Variants in ZNF77 observed in about 807,000 individuals in gnomAD.
ZNF77 encodes zinc finger protein 77.
Under a neutral mutation model 13.5 loss-of-function variants are expected in ZNF77, and 15 were observed. The observed-to-expected ratio is 1.11, with a 90% CI of 0.74 to 1.71. The LOEUF is 1.71. Ranked by LOEUF, ZNF77 falls within the 40% of genes most tolerant of loss-of-function variation. ZNF77 has a pLI of 0.00. For synonymous variants in ZNF77, 282 were observed against 250.0 expected (o/e 1.13, Z -1.21); for missense variants, 717 against 676.4 (o/e 1.06, Z -0.67).
intron 1 of ZNF77, among the ~76,000 whole-genome samples, chr19:2,942,873 G>A (rs922782641): frequency 4.6e-5 from 7 of 152,008 alleles, no homozygotes; most frequent in African/African-American, 9.7e-5. Context: ...TCTGCCTCCC[G>A]AGTTCAAGCA....
Position 2,934,772 on chromosome 19 carries a change from A to C in ZNF77, c.355T>G (p.Cys119Gly). ...RLCESNEGHQ[C>G]GETLSQTANL... ...GCAGTCTGGCTCAAGGTCTCTCCGC[A>C]TTGATGACCTTCATTACTTTCACAG... The change falls in exon 4 of 4, where the codon TGC (cysteine) becomes GGC (glycine). Residue 119 changes from cysteine to glycine, a missense_variant. By Grantham distance (159) the Cys-to-Gly change is radical. Coordinates refer to ENST00000314531, the MANE Select transcript of ZNF77 (RefSeq NM_021217.3). 6.2e-7 allele frequency: 1 copy of C among 1,613,698 alleles called. No individual in the cohort carries two copies. Among genetic ancestry groups the C allele is most frequent in the East Asian group, 2.2e-5 (1 of 44,864 alleles).
At chr19:2,937,155 C>CT (rs1676830726) in intron 2 of ZNF77, among the ~76,000 whole-genome samples, 1 of 152,164 alleles carries the variant, frequency 6.6e-6, no homozygotes, top group African/African-American at 2.4e-5. Context: ...CACCACGGCA[C>CT]TGCAGCCTGT....
chr19:2,942,027 T>C (rs2088452945), intron 1 of ZNF77, among the ~76,000 whole-genome samples: 1 of 150,860 alleles, frequency 6.6e-6, no homozygotes, highest in Non-Finnish European at 1.5e-5. Flanking sequence ...TCCAAGACAA[T>C]GACTGCCCTC....
chr19:2,944,916 A>C lies in ZNF77; in HGVS notation c.-76T>G. 6.8e-7 allele frequency: 1 copy of C among 1,477,012 alleles called. No homozygotes were observed. Among genetic ancestry groups the C allele is most frequent in the South Asian group, 1.3e-5 (1 of 77,392 alleles). 91.5% of individuals were successfully genotyped at this position (1,477,012 alleles called of 1,614,324 possible). A position where few individuals can be genotyped will look rare whatever the true frequency, so the allele number is the denominator to read the frequency against. On this transcript the variant is annotated 5_prime_UTR_variant, in exon 1 of 4. Coordinates refer to ENST00000314531, the MANE Select transcript of ZNF77 (RefSeq NM_021217.3). ...CCGGCGCAGGTGAGCACGACAGGACACCTGAGCCGCTCGGGGTAGGCGGGG... is the reference window on the plus strand; with the variant it reads ...CCGGCGCAGGTGAGCACGACAGGACCCCTGAGCCGCTCGGGGTAGGCGGGG...
Position 2,942,304 on chromosome 19 carries a change from T to C in ZNF77, c.3+2534A>G, listed in dbSNP as rs188650515. 5.3e-5 allele frequency among the ~76,000 whole-genome samples: 8 copies of C among 151,520 alleles called. No homozygotes were observed. The East Asian group carries it at 1.6e-3, about 29-fold the overall frequency. On this transcript the variant is annotated intron_variant, in intron 1 of 3. Coordinates refer to ENST00000314531, the MANE Select transcript of ZNF77 (RefSeq NM_021217.3). ...TCAGGGTGGTCTTGAATTCCTGACCTTGTGATCCGCCCACCTCAGCCACTC... is the reference window on the plus strand; with the variant it reads ...TCAGGGTGGTCTTGAATTCCTGACCCTGTGATCCGCCCACCTCAGCCACTC...
At chr19:2,935,990 C>A (rs2088392936) in intron 3 of ZNF77, among the ~76,000 whole-genome samples, 3 of 151,020 alleles carry the variant, frequency 2.0e-5, no homozygotes, top group Non-Finnish European at 2.9e-5. Context: ...GCACTTCAGC[C>A]TGGTTGACAG....
chr19:2,935,216 C>T (rs1386104763), intron 3 of ZNF77, among the ~76,000 whole-genome samples: 1 of 150,872 alleles, frequency 6.6e-6, no homozygotes, highest in East Asian at 2.0e-4. Flanking sequence ...GATGAGGTTT[C>T]ACCGTGTTAG....
At chr19:2,942,161 TC>T (rs1243708414) in intron 1 of ZNF77, among the ~76,000 whole-genome samples, 2 of 150,904 alleles carry the variant, frequency 1.3e-5, no homozygotes, top group African/African-American at 4.9e-5. Context: ...AACCTCCGCC[TC>T]CCCGGTTCAA....
intron 3 of ZNF77, 69 bp from the exon 4 acceptor site, chr19:2,934,884 A>G: frequency 6.6e-7 from 1 of 1,512,274 alleles, no homozygotes. Flanking sequence ...AATGGTTTTT[A>G]GTGATTATTT....
chr19:2,934,510 A>G lies in ZNF77; in HGVS notation c.617T>C (p.Leu206Pro). The G allele has an allele frequency of 6.2e-7, 1 of 1,614,210 alleles. No individual in the cohort carries two copies. Among genetic ancestry groups the G allele is most frequent in the Non-Finnish European group, 8.5e-7 (1 of 1,180,030 alleles). The change falls in exon 4 of 4, where the codon CTC becomes CCC. Residue 206 changes from leucine (L) to proline (P), a missense_variant. By Grantham distance (98) the Leu-to-Pro change is moderately conservative. Coordinates refer to ENST00000314531, the MANE Select transcript of ZNF77 (RefSeq NM_021217.3). ...ACATTCATAAGACTTTTTACTGCTG[A>G]GACTTTTCACGTATGTCACAGATGC... is the stretch of plus-strand genomic sequence containing the variant. The part of the protein sequence containing the change: ...RTASVTYVKS[L>P]SSKKSYECQK...
In ZNF77 at chr19:2,939,282, C is replaced by A. The variant is rs565281317; in HGVS notation, c.129G>T (p.Leu43Phe). Residue 43 changes from leucine to phenylalanine, a missense_variant and splice_region_variant, in exon 2 of 4, where the codon TTG becomes TTT. Leu to Phe is a conservative substitution (Grantham distance 22, BLOSUM62 0). Coordinates refer to ENST00000314531, the MANE Select transcript of ZNF77 (RefSeq NM_021217.3). Reference protein sequence around the residue: ...MLETCRNLASLDCYIYVRTSG... With the variant: ...MLETCRNLASFDCYIYVRTSG... ...GTGAGGGAATGACACCACCCTTACC[C>A]AAGGAGGCAAGGTTCCTGCAGGTCT... 1 of 1,524,880 alleles carries A rather than the reference C, an allele frequency of 6.6e-7. No individual in the cohort carries two copies. Among genetic ancestry groups the A allele is most frequent in the Non-Finnish European group, 8.8e-7 (1 of 1,132,444 alleles). 94.5% of individuals were successfully genotyped at this position (1,524,880 alleles called of 1,614,324 possible). A position where few individuals can be genotyped will look rare whatever the true frequency, so the allele number is the denominator to read the frequency against.
intron 2 of ZNF77, among the ~76,000 whole-genome samples, 168 bp from the exon 3 acceptor site, chr19:2,936,872 G>C (rs1424077446): frequency 6.6e-6 from 1 of 152,034 alleles, no homozygotes; most frequent in African/African-American, 2.4e-5. Context: ...TTGAGAATTT[G>C]GCAATAATAA....
chr19:2,941,156 C>G (rs2088445191), intron 1 of ZNF77, among the ~76,000 whole-genome samples: 1 of 120,170 alleles, frequency 8.3e-6, no homozygotes, highest in African/African-American at 3.3e-5. Flanking sequence ...GCGTGGGTGA[C>G]AGAGAGACGC....
At chr19:2,935,253 C>T (rs1275574089) in intron 3 of ZNF77, among the ~76,000 whole-genome samples, 1 of 150,432 alleles carries the variant, frequency 6.6e-6, no homozygotes, top group East Asian at 2.0e-4. Flanking sequence ...CTCCTGACCT[C>T]GTGATCCGCC....
chr19:2,938,775 T>A (rs1217093415), intron 2 of ZNF77, among the ~76,000 whole-genome samples: 1 of 151,814 alleles, frequency 6.6e-6, no homozygotes, highest in Non-Finnish European at 1.5e-5. Flanking sequence ...GCTAACACGG[T>A]GAAACCCCAT....
In ZNF77 at chr19:2,934,181, T is replaced by C; in HGVS notation, c.946A>G (p.Arg316Gly). The change falls in exon 4 of 4, where the codon AGG (arginine) becomes GGG (glycine). Residue 316 changes from arginine (R) to glycine (G), a missense_variant. Arg to Gly is a moderately radical substitution (Grantham distance 125). Coordinates refer to ENST00000314531, the MANE Select transcript of ZNF77 (RefSeq NM_021217.3). ...SCYSSFRDHV[R>G]THTGEKPCQC... Reference sequence around the variant, plus strand: ...CAGGGTTTCTCTCCAGTGTGCGTCCTCACGTGATCTCTAAAGGAGGAGTAA... The same window carrying C: ...CAGGGTTTCTCTCCAGTGTGCGTCCCCACGTGATCTCTAAAGGAGGAGTAA... The C allele has an allele frequency of 6.2e-7, 1 of 1,614,194 alleles. No homozygotes were observed. Among genetic ancestry groups the C allele is most frequent in the South Asian group, 1.1e-5 (1 of 91,088 alleles).
At chr19:2,939,542 G>A in intron 1 of ZNF77, 135 bp from the exon 2 acceptor site, 2 of 1,306,370 alleles carry the variant, frequency 1.5e-6, no homozygotes, top group Admixed American at 2.2e-5. Flanking sequence ...CCAACAGTAT[G>A]AAAAAGTGCA....
Position 2,934,743 on chromosome 19 carries a change from G to T in ZNF77, c.384C>A (p.Asn128Lys), listed in dbSNP as rs754666133. 1 of 1,614,028 alleles carries T rather than the reference G, an allele frequency of 6.2e-7. No individual in the cohort carries two copies. ...TAGGGTAACTCTTGTGCACAAGAAG[G>T]TTCGCAGTCTGGCTCAAGGTCTCTC... ...QCGETLSQTA[N>K]LLVHKSYPTE... Residue 128 changes from asparagine (N) to lysine (K), a missense_variant, in exon 4 of 4, where the codon AAC (asparagine) becomes AAA (lysine). Asn to Lys is a moderately conservative substitution (Grantham distance 94). Transcript: ENST00000314531.
In ZNF77 at chr19:2,934,117, G is replaced by C. The variant is rs868523598; in HGVS notation, c.1010C>G (p.Ser337Trp). Residue 337 changes from serine (S) to tryptophan (W), a missense_variant, in exon 4 of 4, where the codon TCG (serine) becomes TGG (tryptophan). Ser to Trp is a radical substitution (Grantham distance 177). Transcript: ENST00000314531. ...KHCGKAFTCY[S>W]SLREHGRTHS... ...CGTTCTCCCATGTTCTCGAAGAGAC[G>C]AGTAACAAGTGAACGCTTTTCCGCA... 2 of 1,613,930 alleles carry C rather than the reference G, an allele frequency of 1.2e-6. No homozygotes were observed.
Sources: gnomAD v4.1 joint callset for allele counts (sites outside exome capture counted in the v4.1 genomes callset) on GRCh38, gnomAD v4.1.1 for gene constraint, MANE v1.5 for transcripts, NCBI Gene and HGNC (gene_info 2026-07-23, HGNC 2026-07-21) for gene names.